Variants in ETFDH observed in about 807,000 individuals in gnomAD.
ETFDH encodes electron transfer flavoprotein-ubiquinone oxidoreductase, mitochondrial.
A neutral mutation model predicts 73.2 loss-of-function variants in ETFDH; 61 were observed. The observed-to-expected ratio is 0.83, with a 90% CI of 0.68 to 1.03. ETFDH has a LOEUF of 1.03. Among genes scored for constraint, ETFDH ranks in the 50% least tolerant of loss-of-function variants. ETFDH has a pLI of 0.00. For missense variants in ETFDH, 685 were observed against 745.0 expected, an observed-to-expected ratio of 0.92 and a Z score of 0.94; for synonymous variants, 243 against 253.3, an observed-to-expected ratio of 0.96 and a Z score of 0.39.
Position 158,701,553 on chromosome 4 carries a change from A to C in ETFDH, c.1117-1870A>C, listed in dbSNP as rs550925747. Among the ~76,000 whole-genome samples, 6 of 152,252 alleles carry C rather than the reference A, an allele frequency of 3.9e-5. No individual in the cohort carries two copies. The South Asian group carries it at 1.2e-3, about 32-fold the overall frequency. ...CTTCTGCCCCCTAGTTTTGCTTTTC[A>C]CCACTATTCCCTCACAGAATTGTAT... On this transcript the variant is annotated intron_variant, in intron 9 of 12. Coordinates refer to ENST00000511912, the MANE Select transcript of ETFDH (RefSeq NM_004453.4).
At chr4:158,704,654 T>G (rs963802558) in intron 10 of ETFDH, among the ~76,000 whole-genome samples, 4 of 152,194 alleles carry the variant, frequency 2.6e-5, no homozygotes, top group African/African-American at 9.6e-5. Flanking sequence ...GGATGAAAAC[T>G]CCGAGACTAG....
At position 158,699,050 on chromosome 4, in the gene ETFDH, C is replaced by T. The variant is rs749456492; in HGVS notation, c.1036C>T (p.His346Tyr). The change falls in exon 9 of 13, where the codon CAT becomes TAT. Residue 346 changes from histidine (H) to tyrosine (Y), a missense_variant. This residue lies in a region of ETFDH where 79 missense variants were observed against 120.5 expected (regional missense o/e 0.66). Coordinates refer to ENST00000511912, the MANE Select transcript of ETFDH (RefSeq NM_004453.4). ...TAGAGAGTTCCAAAGGTGGAAACAC[C>T]ATCCTAGCATTCGGCCAACCTTGGA... The part of the protein sequence containing the change: ...PFREFQRWKH[H>Y]PSIRPTLEGG... 3 of 1,612,962 alleles carry T rather than the reference C, an allele frequency of 1.9e-6. No homozygotes were observed. The highest frequency in any genetic ancestry group is 1.7e-5 in the Admixed American group (1 of 59,978).
At chr4:158,682,951 G>A (rs1773903553) in intron 3 of ETFDH, among the ~76,000 whole-genome samples, 2 of 152,254 alleles carry the variant, frequency 1.3e-5, no homozygotes, top group South Asian at 2.1e-4. Flanking sequence ...ATGTATTTAT[G>A]TAATGGGTAT....
Position 158,708,672 on chromosome 4 carries a change from A to C in ETFDH, c.*145A>C. On this transcript the variant is annotated 3_prime_UTR_variant, in exon 13 of 13. Coordinates refer to ENST00000511912, the MANE Select transcript of ETFDH (RefSeq NM_004453.4). Reference sequence around the variant, plus strand: ...AAATAAAAATTTTATACTATATGTAAGATTGTCCCATAAAGAAATTACGGG... The same window carrying C: ...AAATAAAAATTTTATACTATATGTACGATTGTCCCATAAAGAAATTACGGG... 1.5e-6 allele frequency: 1 copy of C among 685,890 alleles called. No homozygotes were observed. Among genetic ancestry groups the C allele is most frequent in the Non-Finnish European group, 2.5e-6 (1 of 393,114 alleles). The allele number at this position is 685,890 out of a possible 1,614,324, so 42.5% of individuals were successfully genotyped here. A position where few individuals can be genotyped will look rare whatever the true frequency, so the allele number is the denominator to read the frequency against.
At chr4:158,697,463 TA>T in intron 7 of ETFDH, 95 bp from the exon 8 acceptor site, 1 of 981,756 alleles carries the variant, frequency 1.0e-6, no homozygotes, top group Non-Finnish European at 1.6e-6. Flanking sequence ...TTTTCATAAA[TA>T]AGACATTAAA....
intron 10 of ETFDH, 139 bp downstream of exon 10, chr4:158,703,730 C>G (rs1774529018): frequency 1.6e-6 from 1 of 639,940 alleles, no homozygotes; most frequent in African/African-American, 1.8e-5. Context: ...AACTACATGG[C>G]TTATTCTCAA....
chr4:158,687,352 T>C (rs1774032057), intron 5 of ETFDH, among the ~76,000 whole-genome samples: 1 of 152,170 alleles, frequency 6.6e-6, no homozygotes, highest in African/African-American at 2.4e-5. Context: ...CAGAGAGACA[T>C]TGAAGCTTCT....
chr4:158,706,838 T>C lies in ETFDH; in HGVS notation c.1678T>C (p.Phe560Leu), dbSNP rs374585539. The change falls in exon 12 of 13, where the codon TTC becomes CTC. Residue 560 changes from phenylalanine (F) to leucine (L), a missense_variant. Physicochemically the swap from Phe to Leu is conservative, Grantham distance 22. Around this residue, in one of 3 missense-constraint regions of ETFDH, gnomAD observed 201 missense variants for 225.2 expected, o/e 0.89. Coordinates refer to ENST00000511912, the MANE Select transcript of ETFDH (RefSeq NM_004453.4). ...LSIYDGPEQRFCPAGVYEFVP... is the reference protein window; with the variant it reads ...LSIYDGPEQRLCPAGVYEFVP... ...GATATATGATGGGCCCGAGCAGCGA[T>C]TCTGTCCTGCAGGTAATAATTTCCA... 18 of 1,595,372 alleles carry C rather than the reference T, an allele frequency of 1.1e-5. No homozygotes were observed. Among genetic ancestry groups the C allele is most frequent in the Non-Finnish European group, 5.2e-6 (6 of 1,163,058 alleles).
chr4:158,702,360 C>T (rs1423232140), intron 9 of ETFDH, among the ~76,000 whole-genome samples: 1 of 151,992 alleles, frequency 6.6e-6, no homozygotes, highest in South Asian at 2.1e-4. Context: ...ACAAATTATT[C>T]TTTATTATAG....
Position 158,672,452 on chromosome 4 carries a change from T to G in ETFDH, c.-5T>G, listed in dbSNP as rs1221931524. 1.9e-6 allele frequency: 3 copies of G among 1,614,012 alleles called. No homozygotes were observed. The highest frequency in any genetic ancestry group is 2.7e-5 in the African/African-American group (2 of 74,916). On this transcript the variant is annotated 5_prime_UTR_variant, in exon 1 of 13. Transcript: ENST00000511912. ...GTCCGACCGAGAGTCCTGGTGACTTTGAACATGCTGGTGCCGCTAGCCAAG... is the reference window on the plus strand; with the variant it reads ...GTCCGACCGAGAGTCCTGGTGACTTGGAACATGCTGGTGCCGCTAGCCAAG...
intron 1 of ETFDH, chr4:158,679,486 A>G (rs186430693): frequency 1.3e-5 from 2 of 152,324 alleles, no homozygotes; most frequent in African/African-American, 4.8e-5. Flanking sequence ...GAGAAAAGAC[A>G]TCTCTTCTGC....
chr4:158,703,726 A>G, intron 10 of ETFDH, 135 bp downstream of exon 10: 3 of 649,644 alleles, frequency 4.6e-6, no homozygotes, highest in Non-Finnish European at 8.2e-6. Context: ...AGAAAACTAC[A>G]TGGCTTATTC....
At chr4:158,689,636 A>ATATATATATATATATATAT (rs765147554) in intron 5 of ETFDH, among the ~76,000 whole-genome samples, 4 of 63,674 alleles carry the variant, frequency 6.3e-5, no homozygotes, top group Non-Finnish European at 9.0e-5. Context: ...ATATATATAT[A>ATATATATATATATATATAT]TTGTGGGGGG....
chr4:158,678,626 T>C (rs1773769500), intron 1 of ETFDH, among the ~76,000 whole-genome samples: 1 of 151,264 alleles, frequency 6.6e-6, no homozygotes, highest in South Asian at 2.1e-4. Context: ...GAGGAGAGAA[T>C]TGAAGAATTT....
chr4:158,673,259 C>CA (rs1350726697), intron 1 of ETFDH, among the ~76,000 whole-genome samples: 3 of 152,162 alleles, frequency 2.0e-5, no homozygotes, highest in African/African-American at 7.2e-5. Flanking sequence ...GCTGAGATCG[C>CA]ACCACTGCAC....
intron 1 of ETFDH, among the ~76,000 whole-genome samples, chr4:158,673,823 C>T (rs941961162): frequency 2.6e-5 from 4 of 152,150 alleles, no homozygotes; most frequent in African/African-American, 4.8e-5. Flanking sequence ...ATTTTCGTAG[C>T]CTGCTGGCAT....
intron 9 of ETFDH, among the ~76,000 whole-genome samples, chr4:158,703,036 G>A (rs1239817943): frequency 6.6e-6 from 1 of 152,066 alleles, no homozygotes; most frequent in Non-Finnish European, 1.5e-5. Context: ...TCTCATTGTG[G>A]TTTTGATTTG....
chr4:158,684,931 G>A (rs1261354957), intron 4 of ETFDH, among the ~76,000 whole-genome samples, 170 bp from the exon 5 acceptor site: 2 of 152,308 alleles, frequency 1.3e-5, no homozygotes, highest in Non-Finnish European at 2.9e-5. Context: ...TGTTTGTAAT[G>A]TAATAAATTA....
chr4:158,689,183 A>G (rs1190267559), intron 5 of ETFDH, among the ~76,000 whole-genome samples: 1 of 152,076 alleles, frequency 6.6e-6, no homozygotes, highest in Non-Finnish European at 1.5e-5. Flanking sequence ...AGTTTTTTTT[A>G]TTTGTTTTTA....
Sources: gnomAD v4.1 joint callset for allele counts (sites outside exome capture counted in the v4.1 genomes callset) on GRCh38, gnomAD v4.1.1 for gene constraint, gnomAD v4.1.1 regional missense constraint, MANE v1.5 for transcripts, NCBI Gene and HGNC (gene_info 2026-07-23, HGNC 2026-07-21) for gene names.